MINDY3: variants seen among roughly 807,000 people sequenced by gnomAD.
MINDY3 encodes the protein MINDY lysine 48 deubiquitinase 3, also known as ubiquitin carboxyl-terminal hydrolase MINDY-3.
Under a neutral mutation model 69.2 loss-of-function variants are expected in MINDY3, and 38 were observed. That is an observed-to-expected ratio of 0.55 (90% CI 0.42 to 0.72). The LOEUF (loss-of-function observed/expected upper bound fraction) is 0.72. Among genes scored for constraint, MINDY3 ranks in the 30% least tolerant of loss-of-function variants. MINDY3 has a pLI of 0.00. For synonymous variants in MINDY3, 192 were observed against 180.1 expected (o/e 1.07, Z -0.53); for missense variants, 522 against 519.0 (o/e 1.01, Z -0.06).
At chr10:15,836,132 C>G (rs181810783) in intron 6 of MINDY3, among the ~76,000 whole-genome samples, 56 of 152,094 alleles carry the variant, frequency 3.7e-4, no homozygotes, top group African/African-American at 1.2e-3. Flanking sequence ...CCACAGTTGC[C>G]TCTCTGGTGT....
intron 6 of MINDY3, 56 bp from the exon 7 acceptor site, chr10:15,834,672 T>A: frequency 7.9e-7 from 1 of 1,272,084 alleles, no homozygotes; most frequent in Non-Finnish European, 1.1e-6. Context: ...AAATTATGAC[T>A]GTTTAAAAAC....
intron 9 of MINDY3, 36 bp downstream of exon 9, chr10:15,821,620 C>CA (rs1564495353): frequency 2.0e-6 from 3 of 1,535,772 alleles, no homozygotes; most frequent in Non-Finnish European, 2.7e-6. Context: ...GACATCTAAA[C>CA]AAAAAACATT....
intron 8 of MINDY3, among the ~76,000 whole-genome samples, chr10:15,830,365 G>C (rs931516860): frequency 1.4e-4 from 21 of 152,154 alleles, no homozygotes; most frequent in Non-Finnish European, 4.4e-5. Flanking sequence ...TAACTATCCT[G>C]TGATAATCAT....
chr10:15,817,552 T>A (rs1337633070), intron 9 of MINDY3: 1 of 152,098 alleles, frequency 6.6e-6, no homozygotes, highest in Non-Finnish European at 1.5e-5. Flanking sequence ...TACCAAAAAC[T>A]TGAGAACACG....
At chr10:15,786,470 G>T in intron 13 of MINDY3, 91 bp downstream of exon 13, 1 of 811,000 alleles carries the variant, frequency 1.2e-6, no homozygotes, top group Non-Finnish European at 2.1e-6. Context: ...CTGCGCATTA[G>T]GACATTGTAC....
intron 10 of MINDY3, among the ~76,000 whole-genome samples, chr10:15,812,508 G>A (rs1179828341): frequency 6.6e-6 from 1 of 152,052 alleles, no homozygotes; most frequent in African/African-American, 2.4e-5. Context: ...TGGTTCCTTT[G>A]GCATAAAGAA....
intron 6 of MINDY3, among the ~76,000 whole-genome samples, chr10:15,835,435 C>T (rs758367924): frequency 1.1e-4 from 17 of 151,990 alleles, no homozygotes; most frequent in Non-Finnish European, 2.1e-4. Context: ...TGACTAAATC[C>T]CGCAGGGGGA....
Position 15,791,048 on chromosome 10 carries a change from C to T in MINDY3, c.956-1729G>A, listed in dbSNP as rs148099696. ...TCAAGCTTAAACATTTTTAAGGTAG[C>T]TATGAGATTTACAACTCATAAGCAC... On this transcript the variant is annotated intron_variant, in intron 11 of 14. Transcript: ENST00000277632. Among the ~76,000 whole-genome samples, 495 of 152,206 alleles carry T rather than the reference C, an allele frequency of 3.3e-3. 3 individuals carry two copies. Among genetic ancestry groups the T allele is most frequent in the African/African-American group, 0.011 (471 of 41,540 alleles).
chr10:15,779,164 C>A, intron 14 of MINDY3, 23 bp from the exon 15 acceptor site: 1 of 1,603,590 alleles, frequency 6.2e-7, no homozygotes, highest in Non-Finnish European at 8.5e-7. Context: ...ATAAAGCCAC[C>A]AAGGTCAAGC....
At chr10:15,821,277 A>G (rs1588587531) in intron 9 of MINDY3, among the ~76,000 whole-genome samples, 1 of 152,248 alleles carries the variant, frequency 6.6e-6, no homozygotes, top group South Asian at 2.1e-4. Flanking sequence ...TTTGCCTAAT[A>G]AAGTATTACC....
intron 9 of MINDY3, chr10:15,817,132 A>G (rs1214509645): frequency 4.2e-6 from 2 of 475,042 alleles, no homozygotes; most frequent in African/African-American, 2.0e-5. Flanking sequence ...CTTTGACATT[A>G]AAACAACAAC....
chr10:15,810,254 T>G (rs951938644), intron 10 of MINDY3, among the ~76,000 whole-genome samples: 2 of 152,174 alleles, frequency 1.3e-5, no homozygotes, highest in Admixed American at 1.3e-4. Flanking sequence ...ATTTAATTAC[T>G]TTAAGTCCTA....
At chr10:15,824,480 G>A (rs935403230) in intron 8 of MINDY3, among the ~76,000 whole-genome samples, 5 of 152,050 alleles carry the variant, frequency 3.3e-5, no homozygotes, top group African/African-American at 9.7e-5. Flanking sequence ...GGGATCATCC[G>A]TAAGAGTGTA....
chr10:15,846,156 A>G (rs1353019087), intron 2 of MINDY3, among the ~76,000 whole-genome samples: 1 of 152,174 alleles, frequency 6.6e-6, no homozygotes, highest in Non-Finnish European at 1.5e-5. Flanking sequence ...CCTCAAAGGT[A>G]TAGAAAAGTA....
intron 2 of MINDY3, among the ~76,000 whole-genome samples, chr10:15,846,495 CAAG>C (rs1262316033): frequency 6.6e-6 from 1 of 151,862 alleles, no homozygotes; most frequent in Non-Finnish European, 1.5e-5. Context: ...TCCATAATTC[CAAG>C]GCAAGATTCA....
chr10:15,848,633 C>CA lies in MINDY3; in HGVS notation c.95-691dup, dbSNP rs10719399. ...TGGGCCACAGAGCTAGACTTCATCTCAAAAAAAAAAAAAAAAAAAAAAAAA... is the reference window on the plus strand; with the variant it reads ...TGGGCCACAGAGCTAGACTTCATCTCAAAAAAAAAAAAAAAAAAAAAAAAAA... On this transcript the variant is annotated intron_variant, in intron 1 of 14. Coordinates refer to ENST00000277632, the MANE Select transcript of MINDY3 (RefSeq NM_024948.4). Among the ~76,000 whole-genome samples, 369 of 48,820 alleles carry CA rather than the reference C, an allele frequency of 7.6e-3. 17 individuals carry two copies. The highest frequency in any genetic ancestry group is 0.026 in the African/African-American group (186 of 7,188). 32.0% of individuals were successfully genotyped at this position (48,820 alleles called of 152,430 possible).
intron 8 of MINDY3, among the ~76,000 whole-genome samples, chr10:15,829,893 C>T (rs995515502): frequency 2.0e-5 from 3 of 152,136 alleles, no homozygotes; most frequent in Non-Finnish European, 4.4e-5. Flanking sequence ...TAGCAGTTTG[C>T]CCACCGTCAA....
chr10:15,803,496 T>G (rs1020861755), intron 10 of MINDY3, among the ~76,000 whole-genome samples: 4 of 152,132 alleles, frequency 2.6e-5, no homozygotes, highest in African/African-American at 9.7e-5. Context: ...ATGGTTTAGT[T>G]AGAAGGAATG....
intron 1 of MINDY3, among the ~76,000 whole-genome samples, chr10:15,855,928 TAAAA>T (rs1189898517): frequency 6.6e-6 from 1 of 152,106 alleles, no homozygotes; most frequent in Non-Finnish European, 1.5e-5. Flanking sequence ...ATTTGAATAA[TAAAA>T]CAAATTATAT....
Sources: allele counts gnomAD v4.1 joint callset (sites outside exome capture counted in the v4.1 genomes callset), GRCh38; gene constraint gnomAD v4.1.1; transcripts MANE v1.5; gene names NCBI Gene and HGNC (gene_info 2026-07-23, HGNC 2026-07-21).